The following SPOCK3 variants were observed in gnomAD, a reference collection of about 807,000 sequenced individuals.
The protein encoded by SPOCK3 is testican-3.
SPOCK3 carries 30 observed loss-of-function variants against 56.6 expected under a neutral mutation model. That is an observed-to-expected ratio of 0.53 (90% CI 0.40 to 0.72). The LOEUF (loss-of-function observed/expected upper bound fraction) is 0.72, where lower values mean the gene tolerates loss of function less well. Ranked by LOEUF, SPOCK3 falls within the 30% of genes least tolerant of loss-of-function variation. The pLI, the probability that SPOCK3 is intolerant of heterozygous loss-of-function variation, is 0.00. For missense variants in SPOCK3, 527 were observed against 530.0 expected (o/e 0.99, Z 0.06); for synonymous variants, 196 against 183.3 (o/e 1.07, Z -0.56).
At chr4:167,088,216 A>T (rs1758381288) in intron 2 of SPOCK3, among the ~76,000 whole-genome samples, 1 of 152,118 alleles carries the variant, frequency 6.6e-6, no homozygotes, top group Admixed American at 6.6e-5. Context: ...TTATAACATA[A>T]ACTTCTGGGC....
At chr4:167,046,768 CTTAT>C (rs1753773360) in intron 3 of SPOCK3, among the ~76,000 whole-genome samples, 1 of 151,794 alleles carries the variant, frequency 6.6e-6, no homozygotes, top group South Asian at 2.1e-4. Flanking sequence ...TTCTGAGATT[CTTAT>C]TTATTTTTAA....
chr4:167,014,831 A>T (rs1043009526), intron 3 of SPOCK3, among the ~76,000 whole-genome samples: 2 of 152,068 alleles, frequency 1.3e-5, no homozygotes, highest in Non-Finnish European at 2.9e-5. Context: ...TAGGATGGAG[A>T]TGGTGAGAGA....
intron 6 of SPOCK3, among the ~76,000 whole-genome samples, chr4:166,846,330 A>G (rs1169229035): frequency 6.6e-6 from 1 of 152,142 alleles, no homozygotes; most frequent in East Asian, 1.9e-4. Flanking sequence ...ACAGATTCAT[A>G]TTTGTTCATT....
chr4:166,744,475 T>G (rs1306557440), intron 8 of SPOCK3, among the ~76,000 whole-genome samples: 1 of 151,936 alleles, frequency 6.6e-6, no homozygotes, highest in African/African-American at 2.4e-5. Flanking sequence ...AGACCGCATC[T>G]GTAGGTCACC....
At chr4:167,153,257 G>A (rs1398350519) in intron 2 of SPOCK3, among the ~76,000 whole-genome samples, 1 of 152,122 alleles carries the variant, frequency 6.6e-6, no homozygotes, top group East Asian at 1.9e-4. Flanking sequence ...TTCCTGACAT[G>A]CACTTAGCGA....
At chr4:166,910,676 CAA>C (rs1187001773) in intron 5 of SPOCK3, among the ~76,000 whole-genome samples, 2 of 152,108 alleles carry the variant, frequency 1.3e-5, no homozygotes, top group Non-Finnish European at 2.9e-5. Context: ...GGAGCAACCT[CAA>C]AAGAGTCCCA....
At chr4:166,840,938 C>T (rs1747213681) in intron 6 of SPOCK3, among the ~76,000 whole-genome samples, 1 of 151,774 alleles carries the variant, frequency 6.6e-6, no homozygotes, top group Non-Finnish European at 1.5e-5. Flanking sequence ...GCCACCACGC[C>T]CGGCTAATTT....
At chr4:167,084,938 G>A (rs867330977) in intron 2 of SPOCK3, among the ~76,000 whole-genome samples, 1 of 152,042 alleles carries the variant, frequency 6.6e-6, no homozygotes, top group Non-Finnish European at 1.5e-5. Flanking sequence ...CAGTTTGACA[G>A]TGGGAGGCTT....
chr4:167,123,278 A>G (rs1762009621), intron 2 of SPOCK3, among the ~76,000 whole-genome samples: 17 of 152,174 alleles, frequency 1.1e-4, no homozygotes, highest in Admixed American at 1.1e-3. Flanking sequence ...ATAAAAAATA[A>G]ATGATATCAG....
chr4:167,105,198 A>G (rs1403863357), intron 2 of SPOCK3, among the ~76,000 whole-genome samples: 3 of 151,998 alleles, frequency 2.0e-5, no homozygotes, highest in African/African-American at 7.2e-5. Context: ...AAGTAGAAAG[A>G]CTAAATGATG....
intron 2 of SPOCK3, among the ~76,000 whole-genome samples, chr4:167,123,097 A>T (rs976294171): frequency 2.6e-5 from 4 of 151,960 alleles, no homozygotes; most frequent in African/African-American, 9.7e-5. Flanking sequence ...AAAGAAAGTT[A>T]AAAAGTATCA....
At chr4:167,005,884 G>C (rs1749418704) in intron 3 of SPOCK3, among the ~76,000 whole-genome samples, 4 of 152,020 alleles carry the variant, frequency 2.6e-5, no homozygotes, top group Admixed American at 1.3e-4. Flanking sequence ...GCTTCAAAAG[G>C]ACTACTATTT....
chr4:167,105,420 A>C (rs919009186), intron 2 of SPOCK3, among the ~76,000 whole-genome samples: 3 of 149,792 alleles, frequency 2.0e-5, no homozygotes, highest in African/African-American at 7.4e-5. Flanking sequence ...TACAAGCCTC[A>C]TGATAATCTC....
intron 4 of SPOCK3, among the ~76,000 whole-genome samples, chr4:166,950,848 T>G (rs922996037): frequency 1.3e-5 from 2 of 148,318 alleles, no homozygotes; most frequent in South Asian, 4.3e-4. Flanking sequence ...GGGTACATAA[T>G]GAAATGAAGG....
At chr4:166,917,733 T>A (rs1320860461) in intron 4 of SPOCK3, among the ~76,000 whole-genome samples, 1 of 152,096 alleles carries the variant, frequency 6.6e-6, no homozygotes, top group Non-Finnish European at 1.5e-5. Context: ...GGAAGTGCCT[T>A]GCTTCCCCTT....
intron 6 of SPOCK3, among the ~76,000 whole-genome samples, chr4:166,807,686 T>A (rs1481315124): frequency 2.0e-5 from 3 of 152,108 alleles, no homozygotes; most frequent in Non-Finnish European, 4.4e-5. Flanking sequence ...ATAGGACACA[T>A]ACTATAAAAA....
chr4:167,156,657 C>A (rs988315613), intron 2 of SPOCK3, among the ~76,000 whole-genome samples: 13 of 152,216 alleles, frequency 8.5e-5, no homozygotes, highest in Admixed American at 4.6e-4. Flanking sequence ...AAAAGAAATT[C>A]TGTAACTTAC....
intron 4 of SPOCK3, among the ~76,000 whole-genome samples, chr4:166,972,795 CAAT>C (rs1271762460): frequency 2.0e-5 from 3 of 151,400 alleles, no homozygotes; most frequent in African/African-American, 4.8e-5. Flanking sequence ...AAATATATAA[CAAT>C]AAGTAAATTA....
intron 4 of SPOCK3, among the ~76,000 whole-genome samples, chr4:166,987,910 A>G (rs563688783): frequency 5.4e-4 from 83 of 152,296 alleles, no homozygotes; most frequent in Non-Finnish European, 1.1e-3. Flanking sequence ...ATTGCTCAAT[A>G]TGAATTAGAA....
Sources: gnomAD v4.1 joint callset for allele counts (sites outside exome capture counted in the v4.1 genomes callset) on GRCh38, gnomAD v4.1.1 for gene constraint, MANE v1.5 for transcripts, NCBI Gene and HGNC (gene_info 2026-07-23, HGNC 2026-07-21) for gene names.